ARHGAP15: variants seen among roughly 807,000 people sequenced by gnomAD.
The protein encoded by ARHGAP15 is rho GTPase-activating protein 15.
Under a neutral mutation model 63.7 loss-of-function variants are expected in ARHGAP15, and 51 were observed. The observed-to-expected ratio is 0.80, with a 90% confidence interval of 0.64 to 1.01. The LOEUF is 1.01. Among genes scored for constraint, ARHGAP15 ranks in the 50% least tolerant of loss-of-function variants. The pLI is 0.00. For synonymous variants in ARHGAP15, 191 were observed against 193.8 expected (o/e 0.99, Z 0.12); for missense variants, 560 against 564.6 (o/e 0.99, Z 0.08).
chr2:143,712,029 G>A (rs904480520), intron 13 of ARHGAP15, among the ~76,000 whole-genome samples: 1 of 152,182 alleles, frequency 6.6e-6, no homozygotes, highest in African/African-American at 2.4e-5. Context: ...AAAGACCACA[G>A]TTTTTATAAG....
At chr2:143,437,774 C>T (rs1359292608) in intron 8 of ARHGAP15, among the ~76,000 whole-genome samples, 1 of 152,056 alleles carries the variant, frequency 6.6e-6, no homozygotes, top group African/African-American at 2.4e-5. Context: ...GCCTGTAATC[C>T]CAGCACTTTG....
intron 11 of ARHGAP15, among the ~76,000 whole-genome samples, chr2:143,613,227 A>T (rs1002283284): frequency 7.9e-5 from 12 of 152,238 alleles, no homozygotes; most frequent in Admixed American, 3.9e-4. Context: ...AGATGAATAA[A>T]AATGAGGTCA....
At chr2:143,414,332 C>A (rs1483687471) in intron 6 of ARHGAP15, among the ~76,000 whole-genome samples, 6 of 151,274 alleles carry the variant, frequency 4.0e-5, no homozygotes, top group Non-Finnish European at 8.8e-5. Flanking sequence ...ACAATTATAG[C>A]CAAAAAGAGC....
intron 6 of ARHGAP15, among the ~76,000 whole-genome samples, chr2:143,347,095 G>A (rs946078484): frequency 2.0e-5 from 3 of 151,950 alleles, no homozygotes; most frequent in African/African-American, 4.8e-5. Flanking sequence ...CCTCACCTTC[G>A]GTAAAGTGCT....
At chr2:143,667,426 C>G (rs4662346) in intron 12 of ARHGAP15, among the ~76,000 whole-genome samples, 48,410 of 77,516 alleles carry the variant, frequency 0.62, 13,889 homozygotes, top group Middle Eastern at 0.69. Context: ...GTGGTGGGGT[C>G]GGGGGAGGGG....
intron 13 of ARHGAP15, among the ~76,000 whole-genome samples, chr2:143,743,683 G>T (rs1686051950): frequency 1.3e-5 from 2 of 152,116 alleles, no homozygotes; most frequent in South Asian, 4.1e-4. Flanking sequence ...CAGTTTGCCA[G>T]ATCTTTCAGC....
intron 5 of ARHGAP15, chr2:143,237,608 A>G (rs750183439): frequency 3.3e-5 from 5 of 152,262 alleles, no homozygotes; most frequent in Admixed American, 6.5e-5. Flanking sequence ...GTCACACCCT[A>G]CTTAAACAAA....
intron 11 of ARHGAP15, among the ~76,000 whole-genome samples, chr2:143,594,127 AAAG>A (rs1234682078): frequency 1.3e-5 from 2 of 152,122 alleles, no homozygotes; most frequent in Non-Finnish European, 2.9e-5. Context: ...AAGGAGGAAA[AAAG>A]AGCCTTTAAA....
intron 11 of ARHGAP15, among the ~76,000 whole-genome samples, chr2:143,584,889 A>G (rs1169538733): frequency 1.3e-5 from 2 of 152,180 alleles, no homozygotes; most frequent in Non-Finnish European, 2.9e-5. Flanking sequence ...AGTGGCAGGT[A>G]AAATTTCTAA....
intron 6 of ARHGAP15, among the ~76,000 whole-genome samples, chr2:143,428,046 G>T (rs1269160331): frequency 2.0e-5 from 3 of 152,160 alleles, no homozygotes; most frequent in South Asian, 4.2e-4. Flanking sequence ...ATAGCATAGT[G>T]GGGGGAATGG....
At chr2:143,479,074 C>T (rs548647160) in intron 8 of ARHGAP15, among the ~76,000 whole-genome samples, 163 of 152,244 alleles carry the variant, frequency 1.1e-3, no homozygotes, top group Admixed American at 2.0e-3. Context: ...CAAACAAATA[C>T]GTACATATGA....
At chr2:143,264,425 A>G (rs1420364679) in intron 6 of ARHGAP15, among the ~76,000 whole-genome samples, 1 of 152,132 alleles carries the variant, frequency 6.6e-6, no homozygotes, top group Non-Finnish European at 1.5e-5. Context: ...CCACAGTAAT[A>G]TTATATTTCA....
At chr2:143,545,525 C>G (rs888868879) in intron 10 of ARHGAP15, among the ~76,000 whole-genome samples, 1 of 151,436 alleles carries the variant, frequency 6.6e-6, no homozygotes, top group Non-Finnish European at 1.5e-5. Context: ...TAAGTTGCTA[C>G]TCTTGTTAAA....
intron 5 of ARHGAP15, among the ~76,000 whole-genome samples, chr2:143,239,624 T>TAA (rs1438581557): frequency 6.6e-6 from 1 of 152,134 alleles, no homozygotes; most frequent in Non-Finnish European, 1.5e-5. Context: ...ATGGGCAACA[T>TAA]AAAAGGCCTC....
chr2:143,675,150 A>G (rs1317768464), intron 12 of ARHGAP15, among the ~76,000 whole-genome samples: 1 of 152,196 alleles, frequency 6.6e-6, no homozygotes, highest in Non-Finnish European at 1.5e-5. Context: ...GGGAGATTCC[A>G]TCTCAAGAAA....
intron 4 of ARHGAP15, among the ~76,000 whole-genome samples, chr2:143,226,026 T>C (rs1558825695): frequency 1.3e-5 from 2 of 152,238 alleles, no homozygotes; most frequent in South Asian, 2.1e-4. Flanking sequence ...ACAGTGTTTA[T>C]AGTTTATAAA....
chr2:143,579,550 G>A (rs1237133564), intron 11 of ARHGAP15, among the ~76,000 whole-genome samples: 1 of 152,124 alleles, frequency 6.6e-6, no homozygotes, highest in Non-Finnish European at 1.5e-5. Flanking sequence ...ATTCAGACCA[G>A]CATTCTCAGA....
chr2:143,284,097 G>T (rs1681981288), intron 6 of ARHGAP15, among the ~76,000 whole-genome samples: 1 of 152,000 alleles, frequency 6.6e-6, no homozygotes, highest in African/African-American at 2.4e-5. Context: ...TTGTTTTCAA[G>T]AATAGAAACC....
intron 11 of ARHGAP15, among the ~76,000 whole-genome samples, chr2:143,563,578 G>T (rs1212182370): frequency 6.7e-6 from 1 of 149,210 alleles, no homozygotes; most frequent in East Asian, 2.1e-4. Flanking sequence ...GAAATTTAAA[G>T]TATTAATTCG....
Sources: allele counts gnomAD v4.1 joint callset (sites outside exome capture counted in the v4.1 genomes callset), GRCh38; gene constraint gnomAD v4.1.1; transcripts MANE v1.5; gene names NCBI Gene and HGNC (gene_info 2026-07-23, HGNC 2026-07-21).